The following CLIP1 variants were observed in gnomAD, a reference collection of about 807,000 sequenced individuals.
CLIP1 encodes CAP-Gly domain-containing linker protein 1.
Under a neutral mutation model 161.6 loss-of-function variants are expected in CLIP1, and 66 were observed. The ratio of observed to expected loss-of-function variants is 0.41; its 90% CI spans 0.33 to 0.50. CLIP1 has a LOEUF of 0.50. Among genes scored for constraint, CLIP1 ranks in the 20% least tolerant of loss-of-function variants. The probability of loss-of-function intolerance (pLI) is 0.27; values close to 1 mark genes in which losing one functional copy is unlikely to be tolerated. For synonymous variants in CLIP1, 598 were observed against 626.2 expected (o/e 0.96, Z 0.67); for missense variants, 1,376 against 1,702.0 (o/e 0.81, Z 3.37).
chr12:122,288,489 C>A lies in CLIP1; in HGVS notation c.3647G>T (p.Arg1216Ile), dbSNP rs761966741. The A allele has an allele frequency of 6.2e-7, 1 of 1,606,720 alleles. No individual in the cohort carries two copies. Among genetic ancestry groups the A allele is most frequent in the South Asian group, 1.1e-5 (1 of 90,906 alleles). ...LNNQLLEMKK[R>I]ESKFIKDADE... Reference sequence around the variant, plus strand: ...ATACAACAATAAACAGAAAGCTTACCTTTTTTTCATTTCTAACAACTGATT... The same window carrying A: ...ATACAACAATAAACAGAAAGCTTACATTTTTTTCATTTCTAACAACTGATT... Residue 1216 changes from arginine to isoleucine, a missense_variant and splice_region_variant, in exon 21 of 26, where the codon AGA (arginine) becomes ATA (isoleucine). Arg to Ile is a moderately conservative substitution (Grantham distance 97). Around this residue, in one of 6 missense-constraint regions of CLIP1, gnomAD observed 948 missense variants for 1,134.8 expected, o/e 0.84. Coordinates refer to ENST00000620786, the MANE Select transcript of CLIP1 (RefSeq NM_001247997.2).
chr12:122,390,279 C>CATATATATATATACACACATATAT (rs1955578115), intron 1 of CLIP1, among the ~76,000 whole-genome samples: 1 of 78,984 alleles, frequency 1.3e-5, no homozygotes, highest in African/African-American at 3.8e-5. Flanking sequence ...TATATATATA[C>CATATATATATATACACACATATAT]ATATATATAT....
chr12:122,293,787 G>GTTTTTTTT (rs201115013), intron 20 of CLIP1, among the ~76,000 whole-genome samples: 2 of 132,906 alleles, frequency 1.5e-5, no homozygotes. Flanking sequence ...CTGAGAATTT[G>GTTTTTTTT]TTTTTTTTTT....
In CLIP1 at chr12:122,306,998, CTTTTTTTTTTTTT is replaced by C. The variant is rs56949793; in HGVS notation, c.3594+2751_3594+2763del. On this transcript the variant is annotated intron_variant, in intron 20 of 25. Coordinates refer to ENST00000620786, the MANE Select transcript of CLIP1 (RefSeq NM_001247997.2). ...TATCTGTGTATCCTTGGTAAGTTCA[CTTTTTTTTTTTTT>C]TTTTTTTTTTTTTTTTGAGACAGAG... is the stretch of plus-strand genomic sequence containing the variant. Among the ~76,000 whole-genome samples, 6 of 81,014 alleles carry C rather than the reference CTTTTTTTTTTTTT, an allele frequency of 7.4e-5. 1 individual carries two copies. In the East Asian group the frequency reaches 1.3e-3, roughly 18 times the overall value. The allele number at this position is 81,014 out of a possible 152,430, so 53.1% of individuals were successfully genotyped here.
intron 6 of CLIP1, chr12:122,354,764 A>G (rs1252666697): frequency 1.7e-6 from 1 of 578,818 alleles, no homozygotes; most frequent in East Asian, 2.9e-5. Context: ...ATGTTAAAAC[A>G]CCTCTCATCT....
At chr12:122,300,698 G>A (rs758798549) in intron 20 of CLIP1, among the ~76,000 whole-genome samples, 3 of 152,098 alleles carry the variant, frequency 2.0e-5, no homozygotes, top group Admixed American at 6.6e-5. Context: ...CTGAGTAGCC[G>A]CCCGTATTGA....
At chr12:122,358,507 G>C (rs1242071814) in intron 5 of CLIP1, among the ~76,000 whole-genome samples, 1 of 151,202 alleles carries the variant, frequency 6.6e-6, no homozygotes, top group Non-Finnish European at 1.5e-5. Flanking sequence ...GAAGGGGGCA[G>C]TATGGCATAA....
intron 24 of CLIP1, chr12:122,274,988 A>T (rs1446401041): frequency 6.6e-6 from 1 of 152,008 alleles, no homozygotes; most frequent in Non-Finnish European, 1.5e-5. Context: ...AGTAGCTGGG[A>T]CTATAGGCAC....
chr12:122,397,617 C>T (rs1221124550), intron 1 of CLIP1, among the ~76,000 whole-genome samples: 4 of 147,056 alleles, frequency 2.7e-5, no homozygotes, highest in African/African-American at 9.9e-5. Context: ...CACCTCTCCC[C>T]ATTTTCCCAT....
intron 3 of CLIP1, among the ~76,000 whole-genome samples, chr12:122,371,041 G>A (rs1954428296): frequency 6.6e-6 from 1 of 151,804 alleles, no homozygotes; most frequent in African/African-American, 2.4e-5. Context: ...ACCAGAAGCA[G>A]TCTTTTATAT....
chr12:122,328,090 T>C lies in CLIP1; in HGVS notation c.3106A>G (p.Thr1036Ala), dbSNP rs1340029294. The change falls in exon 17 of 26, where the codon ACA (threonine) becomes GCA (alanine). Residue 1036 changes from threonine to alanine, a missense_variant. Coordinates refer to ENST00000620786, the MANE Select transcript of CLIP1 (RefSeq NM_001247997.2). ...KARYERATSETKTKHEEILQN... is the reference protein window; with the variant it reads ...KARYERATSEAKTKHEEILQN... Reference sequence around the variant, plus strand: ...AGGATTTCTTCATGCTTGGTTTTTGTCTCAGAAGTGGCTCTCTCATACCTG... The same window carrying C: ...AGGATTTCTTCATGCTTGGTTTTTGCCTCAGAAGTGGCTCTCTCATACCTG... 4 of 1,614,090 alleles carry C rather than the reference T, an allele frequency of 2.5e-6. No individual in the cohort carries two copies. In the Admixed American group the frequency reaches 5.0e-5, roughly 20 times the overall value.
chr12:122,416,545 G>T (rs79428490), intron 1 of CLIP1, among the ~76,000 whole-genome samples: 1 of 152,188 alleles, frequency 6.6e-6, no homozygotes, highest in Non-Finnish European at 1.5e-5. Context: ...GATCACTTAA[G>T]CTCAGGAATT....
At position 122,355,142 on chromosome 12, in the gene CLIP1, T is replaced by G. The variant is rs774102810; in HGVS notation, c.1176A>C (p.Leu392=). 1 of 1,614,158 alleles carries G rather than the reference T, an allele frequency of 6.2e-7. No individual in the cohort carries two copies. The highest frequency in any genetic ancestry group is 8.5e-7 in the Non-Finnish European group (1 of 1,179,982). The change falls in exon 6 of 26, where the codon CTA becomes CTC. Residue 392 remains leucine, a synonymous_variant. Transcript: ENST00000620786. This position sits in a 1 kb window ranked among gnomAD's most constrained non-coding sequence, Gnocchi z 4.1. ...GGTCATGTCCGTCCCGGGCCAGAGC[T>G]AGCTCCTGCTCTATCTCCCCCACGT... The part of the protein sequence containing the change: ...TSHVGEIEQE[L]ALARDGHDQH...
chr12:122,372,848 G>A (rs991390561), intron 3 of CLIP1, among the ~76,000 whole-genome samples: 1 of 152,042 alleles, frequency 6.6e-6, no homozygotes, highest in Non-Finnish European at 1.5e-5. Flanking sequence ...CTTCCCCAGA[G>A]CATAAACTCC....
At chr12:122,340,684 C>A (rs1952456465) in intron 11 of CLIP1, 69 bp downstream of exon 11, 1 of 1,324,696 alleles carries the variant, frequency 7.5e-7, no homozygotes, top group African/African-American at 1.5e-5. Flanking sequence ...GATCTCAACT[C>A]AAAAGTAACA....
At chr12:122,390,241 CATATATATACACAT>C (rs1955564204) in intron 1 of CLIP1, among the ~76,000 whole-genome samples, 1 of 112,500 alleles carries the variant, frequency 8.9e-6, no homozygotes. Context: ...TATACACACA[CATATATATACACAT>C]ATATACACAC....
At chr12:122,374,403 G>A (rs1370334037) in intron 3 of CLIP1, among the ~76,000 whole-genome samples, 2 of 148,734 alleles carry the variant, frequency 1.3e-5, no homozygotes, top group Non-Finnish European at 3.0e-5. Flanking sequence ...GGCAGATCAC[G>A]AGGTCAAGAG....
intron 4 of CLIP1, 49 bp downstream of exon 4, chr12:122,363,934 A>G (rs371853886): frequency 6.1e-5 from 98 of 1,612,330 alleles, no homozygotes; most frequent in Non-Finnish European, 7.5e-5. Context: ...TGGCCTGAGC[A>G]TCGTCACGTA....
intron 20 of CLIP1, among the ~76,000 whole-genome samples, chr12:122,301,909 T>G (rs1368982964): frequency 2.0e-5 from 3 of 152,192 alleles, no homozygotes; most frequent in African/African-American, 7.2e-5. Context: ...TTTGGAAACA[T>G]GTGCCTGCTG....
intron 24 of CLIP1, chr12:122,276,777 A>T: frequency 9.4e-6 from 2 of 211,898 alleles, no homozygotes; most frequent in Non-Finnish European, 9.7e-6. Context: ...AGTACAGAAT[A>T]GTTTGCCTTT....
Sources: gnomAD v4.1 joint callset for allele counts (sites outside exome capture counted in the v4.1 genomes callset) on GRCh38, gnomAD v4.1.1 for gene constraint, gnomAD v4.1.1 regional missense constraint, Gnocchi (gnomAD v3.1) non-coding constraint, MANE v1.5 for transcripts, NCBI Gene and HGNC (gene_info 2026-07-23, HGNC 2026-07-21) for gene names.